Variants in KAT2B observed in about 807,000 individuals in gnomAD.
KAT2B encodes lysine acetyltransferase 2B, also known as histone acetyltransferase KAT2B.
KAT2B carries 36 observed loss-of-function variants against 105.9 expected under a neutral mutation model. That is an observed-to-expected ratio of 0.34 (90% CI 0.26 to 0.45). The LOEUF (loss-of-function observed/expected upper bound fraction) is 0.45, where lower values mean the gene tolerates loss of function less well. Among genes scored for constraint, KAT2B ranks in the 20% least tolerant of loss-of-function variants. The pLI, the probability that KAT2B is intolerant of heterozygous loss-of-function variation, is 1.00. For synonymous variants in KAT2B, 397 were observed against 377.9 expected (o/e 1.05, Z -0.59); for missense variants, 820 against 1,021.6 (o/e 0.80, Z 2.69).
At chr3:20,083,452 C>T (rs1698555994) in intron 2 of KAT2B, among the ~76,000 whole-genome samples, 1 of 152,112 alleles carries the variant, frequency 6.6e-6, no homozygotes. Flanking sequence ...AATAGTTTAG[C>T]TTTGCAGTTA....
At chr3:20,110,289 G>A (rs1040116387) in intron 5 of KAT2B, among the ~76,000 whole-genome samples, 6 of 151,940 alleles carry the variant, frequency 3.9e-5, no homozygotes, top group African/African-American at 9.7e-5. Context: ...CCTTTTCCTC[G>A]TTTGGTGCCA....
intron 2 of KAT2B, among the ~76,000 whole-genome samples, chr3:20,076,966 G>A (rs1341999960): frequency 6.6e-6 from 1 of 152,166 alleles, no homozygotes; most frequent in Non-Finnish European, 1.5e-5. Context: ...GATTGAGATA[G>A]TATCAATTCT....
At position 20,112,832 on chromosome 3, in the gene KAT2B, G is replaced by A. The variant is rs17797193; in HGVS notation, c.1043+1045G>A. ...ATTCAGATAGTGTTATTAGATTATG[G>A]AATTTTTGTCTCAGTGAAGATAGAG... On this transcript the variant is annotated intron_variant, in intron 6 of 17. Coordinates refer to ENST00000263754, the MANE Select transcript of KAT2B (RefSeq NM_003884.5). Among the ~76,000 whole-genome samples, 1,375 of 152,266 alleles carry A rather than the reference G, an allele frequency of 9.0e-3. 12 individuals carry two copies. Among genetic ancestry groups the A allele is most frequent in the Non-Finnish European group, 0.012 (832 of 68,010 alleles).
rs771156251 is a variant in KAT2B at position 20,125,893 on chromosome 3, C to T, written c.1414-12C>T. On this transcript the variant is annotated splice_polypyrimidine_tract_variant and intron_variant, in intron 9 of 17. Transcript: ENST00000263754. ...AGCTCTGTGTAATTTTTTCCTGTCT[C>T]TTGCATCTCAGACCAATTTTCTGTC... The T allele has an allele frequency of 1.9e-6, 3 of 1,612,142 alleles. No individual in the cohort carries two copies. Among genetic ancestry groups the T allele is most frequent in the Admixed American group, 3.3e-5 (2 of 59,990 alleles).
At chr3:20,152,280 G>A in intron 17 of KAT2B, 52 bp from the exon 18 acceptor site, 1 of 1,302,792 alleles carries the variant, frequency 7.7e-7, no homozygotes, top group Non-Finnish European at 1.1e-6. Context: ...AGTTTTGTCA[G>A]CTGGTGTTTA....
At chr3:20,122,608 G>T in intron 8 of KAT2B, 60 bp from the exon 9 acceptor site, 1 of 1,351,346 alleles carries the variant, frequency 7.4e-7, no homozygotes, top group Non-Finnish European at 1.0e-6. Flanking sequence ...TAGTTGGCGT[G>T]TATTATTTGT....
At chr3:20,045,909 C>T (rs1697801059) in intron 1 of KAT2B, among the ~76,000 whole-genome samples, 1 of 152,182 alleles carries the variant, frequency 6.6e-6, no homozygotes, top group East Asian at 1.9e-4. Context: ...GGCAAGCCCT[C>T]AGAAGGTAGG....
intron 2 of KAT2B, among the ~76,000 whole-genome samples, chr3:20,074,498 T>C (rs1454164089): frequency 6.6e-6 from 1 of 152,140 alleles, no homozygotes; most frequent in Non-Finnish European, 1.5e-5. Flanking sequence ...TAAGAAAAAA[T>C]CTTAGAATAG....
intron 1 of KAT2B, among the ~76,000 whole-genome samples, chr3:20,059,488 C>CG (rs1698061239): frequency 6.8e-6 from 1 of 147,328 alleles, no homozygotes; most frequent in South Asian, 2.1e-4. Flanking sequence ...GAGGCCGAGG[C>CG]AGGTGGATCA....
rs1699834137 is a variant in KAT2B, at chr3:20,149,495, C to CAAAAAAAAAAAAAAAACAAA, written c.2305+1024_2305+1025insCAAAAAAAAAAAAAAAAAAA. ...TGGGCACTGGAGGGAGACCGTATCT[C>CAAAAAAAAAAAAAAAACAAA]AAAAAAAAAAAAAAAAAAAAAAAAA... On this transcript the variant is annotated intron_variant, in intron 17 of 17. Transcript: ENST00000263754. Among the ~76,000 whole-genome samples, 18 of 42,440 alleles carry CAAAAAAAAAAAAAAAACAAA rather than the reference C, an allele frequency of 4.2e-4. 2 individuals are homozygous for CAAAAAAAAAAAAAAAACAAA. Among genetic ancestry groups the CAAAAAAAAAAAAAAAACAAA allele is most frequent in the Admixed American group, 9.8e-4 (3 of 3,072 alleles). 27.8% of individuals were successfully genotyped at this position (42,440 alleles called of 152,430 possible).
intron 2 of KAT2B, among the ~76,000 whole-genome samples, chr3:20,081,878 C>CATATATATATATATATAT (rs139743528): frequency 0.13 from 18,746 of 139,482 alleles, 1,651 homozygotes; most frequent in South Asian, 0.26. Flanking sequence ...GTCATTGGCT[C>CATATATATATATATATAT]ATATATATAT....
At chr3:20,144,276 C>CTTTTTTTTTTTT (rs761735374) in intron 13 of KAT2B, among the ~76,000 whole-genome samples, 2 of 89,410 alleles carry the variant, frequency 2.2e-5, no homozygotes, top group Non-Finnish European at 4.4e-5. Context: ...CCTTGGGATT[C>CTTTTTTTTTTTT]TTTTTTTTTT....
At chr3:20,119,027 A>G (rs1699260422) in intron 7 of KAT2B, among the ~76,000 whole-genome samples, 1 of 151,974 alleles carries the variant, frequency 6.6e-6, no homozygotes, top group South Asian at 2.1e-4. Flanking sequence ...CCATTGCATC[A>G]GGAGGCATAT....
intron 11 of KAT2B, among the ~76,000 whole-genome samples, chr3:20,133,059 T>C (rs1030758969): frequency 6.6e-6 from 1 of 152,254 alleles, no homozygotes; most frequent in Non-Finnish European, 1.5e-5. Context: ...TTTTTAATTA[T>C]GTAAGACATA....
intron 5 of KAT2B, among the ~76,000 whole-genome samples, chr3:20,103,223 G>A (rs73818811): frequency 0.075 from 11,385 of 152,008 alleles, 484 homozygotes; most frequent in East Asian, 0.2. Context: ...GAGTTGAGAC[G>A]ATAAGTCTCT....
intron 1 of KAT2B, among the ~76,000 whole-genome samples, chr3:20,053,886 T>C (rs7620608): frequency 0.41 from 61,540 of 151,670 alleles, 12,623 homozygotes; most frequent in East Asian, 0.59. Context: ...GCGACTTCCA[T>C]CTCCAGGTTC....
chr3:20,064,163 T>G (rs747596631), intron 1 of KAT2B, among the ~76,000 whole-genome samples: 1 of 152,222 alleles, frequency 6.6e-6, no homozygotes, highest in South Asian at 2.1e-4. Flanking sequence ...TTCACATGCC[T>G]GATAATTTGT....
intron 7 of KAT2B, 92 bp downstream of exon 7, chr3:20,115,080 A>T: frequency 1.3e-6 from 1 of 754,428 alleles, no homozygotes; most frequent in Admixed American, 2.3e-5. Context: ...TTAGCTCTAT[A>T]GTCAAATGAG....
chr3:20,099,464 G>A (rs1284076385), intron 3 of KAT2B, among the ~76,000 whole-genome samples: 4 of 152,140 alleles, frequency 2.6e-5, no homozygotes, highest in Non-Finnish European at 5.9e-5. Context: ...TGGCCTGGAT[G>A]GGCATGTGCC....
Sources: gnomAD v4.1 joint callset for allele counts (sites outside exome capture counted in the v4.1 genomes callset) on GRCh38, gnomAD v4.1.1 for gene constraint, MANE v1.5 for transcripts, NCBI Gene and HGNC (gene_info 2026-07-23, HGNC 2026-07-21) for gene names.